Variants in MAOB observed in about 807,000 individuals in gnomAD.
MAOB encodes the protein amine oxidase [flavin-containing] B.
A neutral mutation model predicts 41.9 loss-of-function variants in MAOB; 15 were observed. That is an observed-to-expected ratio of 0.36 (90% confidence interval 0.24 to 0.55). MAOB has a LOEUF of 0.55. Ranked by LOEUF, MAOB falls within the 20% of genes least tolerant of loss-of-function variation. The pLI is 0.86. For missense variants in MAOB, 345 were observed against 398.7 expected (o/e 0.87, Z 1.15); for synonymous variants, 167 against 144.2 (o/e 1.16, Z -1.13).
chrX:43,790,778 C>T (rs545671344), intron 8 of MAOB, among the ~76,000 whole-genome samples: 1 of 111,063 alleles, frequency 9.0e-6, no homozygotes, highest in East Asian at 2.8e-4. Flanking sequence ...TTATGCAAGG[C>T]TCATTACCAA....
chrX:43,843,792 G>A, intron 1 of MAOB, 28 bp from the exon 2 acceptor site: 1 of 1,204,944 alleles, frequency 8.3e-7, no homozygotes, highest in Non-Finnish European at 1.1e-6. Context: ...AAGACATCAG[G>A]ATCAAATACA....
intron 1 of MAOB, among the ~76,000 whole-genome samples, chrX:43,868,766 C>T (rs2035381397): frequency 9.0e-6 from 1 of 110,967 alleles, no homozygotes; most frequent in Non-Finnish European, 1.9e-5. Context: ...TCTTTCACGG[C>T]ACCGAGAGGC....
At position 43,867,563 on chromosome X, in the gene MAOB, CCTCAT is replaced by C. The variant is rs200823532; in HGVS notation, c.46+14686_46+14690del. 5.3e-5 allele frequency among the ~76,000 whole-genome samples: 6 copies of C among 112,201 alleles called. No homozygotes were observed. The East Asian group carries it at 1.7e-3, about 31-fold the overall frequency. On this transcript the variant is annotated intron_variant, in intron 1 of 14. Coordinates refer to ENST00000378069, the MANE Select transcript of MAOB (RefSeq NM_000898.5). ...AGAGTATGAGATAAGTGTTTCCACT[CCTCAT>C]CTCTTTCTTTCCTTTCACTTAATGT...
intron 12 of MAOB, among the ~76,000 whole-genome samples, chrX:43,771,538 C>T (rs1047837181): frequency 9.0e-6 from 1 of 111,009 alleles, no homozygotes; most frequent in African/African-American, 3.3e-5. Flanking sequence ...ATATAGAGAG[C>T]CTAAGGGTAC....
intron 3 of MAOB, among the ~76,000 whole-genome samples, chrX:43,807,814 A>G (rs1330891934): frequency 8.9e-6 from 1 of 112,504 alleles, no homozygotes; most frequent in Non-Finnish European, 1.9e-5. Context: ...CTGCTGGCAC[A>G]CAGTAGGTTC....
At chrX:43,785,119 G>A (rs1051326217) in intron 8 of MAOB, among the ~76,000 whole-genome samples, 2 of 113,323 alleles carry the variant, frequency 1.8e-5, no homozygotes, top group Admixed American at 9.3e-5. Flanking sequence ...CTGCGCTCCA[G>A]CCTGGGTGAA....
chrX:43,811,047 T>G (rs1176243290), intron 3 of MAOB, among the ~76,000 whole-genome samples: 1 of 112,272 alleles, frequency 8.9e-6, no homozygotes, highest in African/African-American at 3.2e-5. Flanking sequence ...GTAAGCAAAC[T>G]GATTCTCACA....
intron 1 of MAOB, among the ~76,000 whole-genome samples, chrX:43,873,820 G>A (rs1182983881): frequency 9.0e-6 from 1 of 110,934 alleles, no homozygotes; most frequent in Non-Finnish European, 1.9e-5. Context: ...GGGACTACAG[G>A]CGCCCACCAC....
intron 8 of MAOB, among the ~76,000 whole-genome samples, chrX:43,781,840 C>T (rs771174372): frequency 1.6e-4 from 18 of 111,965 alleles, no homozygotes; most frequent in African/African-American, 5.8e-4. Flanking sequence ...AATACTTGGG[C>T]TCCCTGTTTT....
chrX:43,781,356 T>A (rs2034329623), intron 9 of MAOB, 92 bp downstream of exon 9: 2 of 443,284 alleles, frequency 4.5e-6, no homozygotes, highest in Non-Finnish European at 7.0e-6. Flanking sequence ...AAAAAAAAAA[T>A]CACTTAACAA....
intron 1 of MAOB, among the ~76,000 whole-genome samples, chrX:43,861,778 C>A (rs923333077): frequency 3.8e-4 from 42 of 111,228 alleles, no homozygotes; most frequent in African/African-American, 1.2e-3. Flanking sequence ...AAGAAAGATA[C>A]CTATTCAATG....
intron 3 of MAOB, among the ~76,000 whole-genome samples, chrX:43,809,180 G>A (rs1369876652): frequency 2.7e-5 from 3 of 111,729 alleles, no homozygotes; most frequent in African/African-American, 9.8e-5. Flanking sequence ...CAGTTGAAAT[G>A]TCACCTCAGC....
chrX:43,858,466 T>C (rs890016626), intron 1 of MAOB, among the ~76,000 whole-genome samples: 3 of 111,160 alleles, frequency 2.7e-5, no homozygotes, highest in Non-Finnish European at 5.7e-5. Context: ...CTCATTGTGG[T>C]TCTTCTCACA....
At chrX:43,837,477 C>T (rs1052782797) in intron 3 of MAOB, among the ~76,000 whole-genome samples, 2 of 112,292 alleles carry the variant, frequency 1.8e-5, no homozygotes, top group Admixed American at 9.4e-5. Flanking sequence ...GGATTACAGG[C>T]GTGAGCCACT....
At chrX:43,863,459 A>G (rs766659008) in intron 1 of MAOB, among the ~76,000 whole-genome samples, 2 of 112,156 alleles carry the variant, frequency 1.8e-5, no homozygotes, top group South Asian at 7.4e-4. Context: ...GCACACACAC[A>G]TAGCCAAAAT....
intron 7 of MAOB, among the ~76,000 whole-genome samples, chrX:43,795,153 A>C (rs1176473891): frequency 9.0e-6 from 1 of 111,560 alleles, no homozygotes; most frequent in Non-Finnish European, 1.9e-5. Flanking sequence ...GATGTCAGTC[A>C]CAAGTCCAGC....
intron 2 of MAOB, among the ~76,000 whole-genome samples, chrX:43,840,814 G>A (rs751904220): frequency 5.4e-5 from 6 of 110,554 alleles, no homozygotes; most frequent in Non-Finnish European, 5.7e-5. Flanking sequence ...AGATTCCCTC[G>A]GTCCTATGCC....
intron 2 of MAOB, among the ~76,000 whole-genome samples, chrX:43,843,076 TGTC>T (rs2035157641): frequency 9.0e-6 from 1 of 111,164 alleles, no homozygotes; most frequent in African/African-American, 3.3e-5. Context: ...CCACAAAAAA[TGTC>T]AAGAAAGTGA....
At chrX:43,868,799 T>C (rs745480094) in intron 1 of MAOB, among the ~76,000 whole-genome samples, 2 of 110,849 alleles carry the variant, frequency 1.8e-5, no homozygotes, top group South Asian at 8.0e-4. Flanking sequence ...AAAAGTACAT[T>C]TTTGTGCATG....
Sources: gnomAD v4.1 joint callset for allele counts (sites outside exome capture counted in the v4.1 genomes callset) on GRCh38, gnomAD v4.1.1 for gene constraint, MANE v1.5 for transcripts, NCBI Gene and HGNC (gene_info 2026-07-23, HGNC 2026-07-21) for gene names.